NRXN1: variants seen among roughly 807,000 people sequenced by gnomAD.
NRXN1 encodes the protein neurexin-1.
NRXN1 carries 39 observed loss-of-function variants against 150.9 expected under a neutral mutation model. That is an observed-to-expected ratio of 0.26 (90% CI 0.20 to 0.34). The LOEUF (loss-of-function observed/expected upper bound fraction) is 0.34, where lower values mean the gene tolerates loss of function less well. Ranked by LOEUF, NRXN1 falls within the 10% of genes least tolerant of loss-of-function variation. The pLI is 1.00. For missense variants in NRXN1, 1,815 were observed against 1,949.9 expected, an observed-to-expected ratio of 0.93 and a Z score of 1.30; for synonymous variants, 924 against 757.0, an observed-to-expected ratio of 1.22 and a Z score of -3.62.
rs5831086 is a variant in NRXN1, at chr2:50,095,777, T to A, written c.3547-4283A>T. ...GAGAACATCCGACTTTTTTTTTTTT[T>A]AATTTTATATATATATTTTTTTATT... On this transcript the variant is annotated intron_variant, in intron 18 of 22. Coordinates refer to ENST00000401669, the MANE Select transcript of NRXN1 (RefSeq NM_001330078.2). 2.3e-4 allele frequency among the ~76,000 whole-genome samples: 32 copies of A among 137,694 alleles called. 1 individual carries two copies. The highest frequency in any genetic ancestry group is 2.0e-4 in the Non-Finnish European group (13 of 63,844). 90.3% of individuals were successfully genotyped at this position (137,694 alleles called of 152,430 possible). A position where few individuals can be genotyped will look rare whatever the true frequency, so the allele number is the denominator to read the frequency against.
intron 2 of NRXN1, among the ~76,000 whole-genome samples, chr2:50,967,730 T>C (rs1654695531): frequency 6.6e-6 from 1 of 151,922 alleles, no homozygotes; most frequent in South Asian, 2.1e-4. Context: ...GTCGAATAAG[T>C]AAGTAGCTTT....
chr2:50,046,695 A>G (rs1691858033), intron 21 of NRXN1, among the ~76,000 whole-genome samples: 2 of 152,180 alleles, frequency 1.3e-5, no homozygotes, highest in South Asian at 4.1e-4. Context: ...AGTAACTCAC[A>G]GCTAGTACGT....
intron 17 of NRXN1, among the ~76,000 whole-genome samples, chr2:50,338,475 C>A (rs1436811935): frequency 6.6e-6 from 1 of 152,012 alleles, no homozygotes; most frequent in Non-Finnish European, 1.5e-5. Flanking sequence ...GGCAAAAATT[C>A]TCAGAGGTAT....
At position 50,440,868 on chromosome 2, in the gene NRXN1, G is replaced by T. The variant is rs1025616931; in HGVS notation, c.3364+24574C>A. Among the ~76,000 whole-genome samples the T allele has an allele frequency of 5.9e-5, 9 of 152,050 alleles. 1 individual carries two copies. Among genetic ancestry groups the T allele is most frequent in the Admixed American group, 5.9e-4 (9 of 15,262 alleles). On this transcript the variant is annotated intron_variant, in intron 17 of 22. Coordinates refer to ENST00000401669, the MANE Select transcript of NRXN1 (RefSeq NM_001330078.2). The stretch of plus-strand genomic sequence containing the variant: ...TCTGATCAAATGAAAATTTTCATTT[G>T]TTTTTGATATAAGAAGTTTAAAGTC...
intron 5 of NRXN1, among the ~76,000 whole-genome samples, chr2:50,677,941 A>AAACATGT (rs2104775032): frequency 6.6e-6 from 1 of 152,240 alleles, no homozygotes; most frequent in South Asian, 2.1e-4. Context: ...TGACAAATAG[A>AAACATGT]AACATGTATT....
rs766534624 is a variant in NRXN1 at position 50,373,679 on chromosome 2, A to AAGGAAAG, written c.3364+91762_3364+91763insCTTTCCT. Among the ~76,000 whole-genome samples, 430 of 65,614 alleles carry AAGGAAAG rather than the reference A, an allele frequency of 6.6e-3. 5 individuals are homozygous for AAGGAAAG. Among genetic ancestry groups the AAGGAAAG allele is most frequent in the African/African-American group, 0.024 (406 of 16,592 alleles). The allele number at this position is 65,614 out of a possible 152,430, so 43.0% of individuals were successfully genotyped here. On this transcript the variant is annotated intron_variant, in intron 17 of 22. Transcript: ENST00000401669. ...GAAAGAAAGAAAGAAAGAAAGAAAG[A>AAGGAAAG]AAAGAAAGAAGGAAAGAAAGAAAGA...
intron 5 of NRXN1, among the ~76,000 whole-genome samples, chr2:50,856,463 T>C (rs557265925): frequency 1.3e-5 from 2 of 152,126 alleles, no homozygotes; most frequent in Non-Finnish European, 2.9e-5. Flanking sequence ...GTTTTTTTCA[T>C]TTAGTGTATT....
intron 21 of NRXN1, among the ~76,000 whole-genome samples, chr2:49,981,676 A>G (rs1018542553): frequency 2.0e-5 from 3 of 152,100 alleles, no homozygotes; most frequent in African/African-American, 7.2e-5. Flanking sequence ...CAGAACCCAC[A>G]TGGAGTGAAT....
rs1291558840 is a variant in NRXN1, at chr2:49,958,470, C to T, written c.4129-14679G>A. Among the ~76,000 whole-genome samples, 6 of 152,196 alleles carry T rather than the reference C, an allele frequency of 3.9e-5. No homozygotes were observed. In the East Asian group the frequency reaches 9.7e-4, roughly 25 times the overall value. On this transcript the variant is annotated intron_variant, in intron 21 of 22. Transcript: ENST00000401669. ...ACATATTTCATTGCAGTTGTTATCA[C>T]GCCTCTGCCATCTGGGTTTGTCCTT...
chr2:50,722,846 T>TA, intron 5 of NRXN1, among the ~76,000 whole-genome samples: 1 of 152,146 alleles, frequency 6.6e-6, no homozygotes, highest in Non-Finnish European at 1.5e-5. Context: ...GAGCTACAAA[T>TA]ACCTCACTCA....
At chr2:50,650,689 C>T (rs575300026) in intron 5 of NRXN1, among the ~76,000 whole-genome samples, 4 of 152,060 alleles carry the variant, frequency 2.6e-5, no homozygotes, top group East Asian at 1.9e-4. Flanking sequence ...CACTGTAATT[C>T]GGGTGATAGA....
intron 5 of NRXN1, among the ~76,000 whole-genome samples, chr2:50,855,176 T>A (rs1161688219): frequency 6.6e-6 from 1 of 151,958 alleles, no homozygotes; most frequent in Non-Finnish European, 1.5e-5. Flanking sequence ...AATATATTAC[T>A]TTATTTATTA....
Position 50,998,377 on chromosome 2 carries a change from C to A in NRXN1, c.772+29125G>T, listed in dbSNP as rs1481785126. On this transcript the variant is annotated intron_variant, in intron 2 of 22. Transcript: ENST00000401669. ...GGGTATTGAAATACAGAAGCCATTT[C>A]TTGTGTAGCACCCAAGGAAAGTCTT... Among the ~76,000 whole-genome samples, 2 of 151,540 alleles carry A rather than the reference C, an allele frequency of 1.3e-5. 1 individual carries two copies. Among genetic ancestry groups the A allele is most frequent in the African/African-American group, 4.9e-5 (2 of 41,016 alleles).
chr2:50,796,083 T>A (rs1706791101), intron 5 of NRXN1, among the ~76,000 whole-genome samples: 1 of 152,076 alleles, frequency 6.6e-6, no homozygotes, highest in Non-Finnish European at 1.5e-5. Context: ...GCTGATATTA[T>A]CCTATTAATG....
At chr2:50,001,358 C>T (rs1490555669) in intron 21 of NRXN1, among the ~76,000 whole-genome samples, 1 of 152,102 alleles carries the variant, frequency 6.6e-6, no homozygotes, top group Non-Finnish European at 1.5e-5. Context: ...TTTATGATCC[C>T]TTCCAGTTTA....
chr2:50,252,791 G>GCCAGTA (rs2067287135), intron 17 of NRXN1, among the ~76,000 whole-genome samples: 1 of 151,404 alleles, frequency 6.6e-6, no homozygotes, highest in Admixed American at 6.6e-5. Flanking sequence ...GTCTGTGTGT[G>GCCAGTA]CCATGCTGTT....
intron 17 of NRXN1, among the ~76,000 whole-genome samples, chr2:50,261,622 C>G (rs1224760805): frequency 2.0e-5 from 3 of 151,804 alleles, no homozygotes; most frequent in Non-Finnish European, 4.4e-5. Flanking sequence ...TTTAAATAAA[C>G]CAACCAAAAC....
rs146833588 is a variant in NRXN1, at chr2:50,612,490, T to C, written c.1320+7532A>G. Among the ~76,000 whole-genome samples, 15 of 152,332 alleles carry C rather than the reference T, an allele frequency of 9.8e-5. No homozygotes were observed. The East Asian group carries it at 2.5e-3, about 25-fold the overall frequency. On this transcript the variant is annotated intron_variant, in intron 8 of 22. Coordinates refer to ENST00000401669, the MANE Select transcript of NRXN1 (RefSeq NM_001330078.2). ...TTTGCAAAGTTGTTGTTTTACTGTGTTCCTGATGCCCCCAGGCACATGCCT... is the reference window on the plus strand; with the variant it reads ...TTTGCAAAGTTGTTGTTTTACTGTGCTCCTGATGCCCCCAGGCACATGCCT...
intron 18 of NRXN1, among the ~76,000 whole-genome samples, chr2:50,210,268 G>T (rs1375769510): frequency 1.3e-5 from 2 of 151,606 alleles, no homozygotes; most frequent in East Asian, 3.9e-4. Context: ...ACTCATCATC[G>T]CACTGTGTTT....
Sources: allele counts gnomAD v4.1 joint callset (sites outside exome capture counted in the v4.1 genomes callset), GRCh38; gene constraint gnomAD v4.1.1; transcripts MANE v1.5; gene names NCBI Gene and HGNC (gene_info 2026-07-23, HGNC 2026-07-21).